The following ANKS1B variants were observed in gnomAD, a reference collection of about 807,000 sequenced individuals.
The protein encoded by ANKS1B is ankyrin repeat and sterile alpha motif domain containing 1B, also known as ankyrin repeat and sterile alpha motif domain-containing protein 1B.
ANKS1B carries 36 observed loss-of-function variants against 148.3 expected under a neutral mutation model. That is an observed-to-expected ratio of 0.24 (90% CI 0.19 to 0.32). The LOEUF (loss-of-function observed/expected upper bound fraction) is 0.32. ANKS1B is among the 10% of genes least tolerant of loss of function. ANKS1B has a pLI of 1.00. For missense variants in ANKS1B, 1,157 were observed against 1,542.6 expected, an observed-to-expected ratio of 0.75 and a Z score of 4.19; for synonymous variants, 542 against 560.8, an observed-to-expected ratio of 0.97 and a Z score of 0.47.
intron 17 of ANKS1B, among the ~76,000 whole-genome samples, chr12:99,004,158 G>A (rs1290860600): frequency 6.6e-6 from 1 of 152,150 alleles, no homozygotes; most frequent in East Asian, 1.9e-4. Context: ...ACACCGTGGA[G>A]CCATGGAATG....
chr12:99,658,845 T>G (rs1452576050), intron 8 of ANKS1B, among the ~76,000 whole-genome samples: 1 of 152,202 alleles, frequency 6.6e-6, no homozygotes, highest in Non-Finnish European at 1.5e-5. Context: ...TGTGCAAATA[T>G]ACTACACAGA....
intron 8 of ANKS1B, among the ~76,000 whole-genome samples, chr12:99,739,378 T>TA (rs201318107): frequency 6.9e-5 from 8 of 115,922 alleles, no homozygotes; most frequent in Non-Finnish European, 1.4e-4. Flanking sequence ...TACTCAAAGC[T>TA]AAAAAAAAAC....
intron 11 of ANKS1B, among the ~76,000 whole-genome samples, chr12:99,412,081 T>C (rs556854636): frequency 3.1e-4 from 47 of 152,212 alleles, no homozygotes; most frequent in Non-Finnish European, 5.7e-4. Flanking sequence ...TTTCTTTTTT[T>C]TCAAGTATTC....
chr12:98,856,707 G>T (rs557402723), intron 17 of ANKS1B, among the ~76,000 whole-genome samples: 5 of 152,174 alleles, frequency 3.3e-5, no homozygotes, highest in African/African-American at 1.2e-4. Flanking sequence ...AGCAGCCTCA[G>T]GGAGATACTG....
intron 10 of ANKS1B, among the ~76,000 whole-genome samples, chr12:99,497,592 G>C (rs1325063850): frequency 6.6e-6 from 1 of 152,050 alleles, no homozygotes; most frequent in Non-Finnish European, 1.5e-5. Context: ...CTGTCTCTGG[G>C]TCTAAATTTC....
chr12:99,781,446 T>A (rs527383212), intron 5 of ANKS1B, among the ~76,000 whole-genome samples: 13 of 152,286 alleles, frequency 8.5e-5, no homozygotes, highest in Non-Finnish European at 1.3e-4. Context: ...CTCTATTTCA[T>A]CTCAATCAGA....
chr12:98,977,471 A>G lies in ANKS1B; in HGVS notation c.2778+75686T>C, dbSNP rs2099898906. On this transcript the variant is annotated intron_variant, in intron 17 of 26. Transcript: ENST00000683438. Reference sequence around the variant, plus strand: ...ACTGAAGGCATTTATCCATTCATATATAAGCATGAAAATGCAAGCTTCACT... The same window carrying G: ...ACTGAAGGCATTTATCCATTCATATGTAAGCATGAAAATGCAAGCTTCACT... Among the ~76,000 whole-genome samples, 5 of 151,312 alleles carry G rather than the reference A, an allele frequency of 3.3e-5. No individual in the cohort carries two copies. The South Asian group carries it at 1.0e-3, about 32-fold the overall frequency.
At chr12:99,136,344 A>C (rs1457813737) in intron 15 of ANKS1B, among the ~76,000 whole-genome samples, 1 of 152,132 alleles carries the variant, frequency 6.6e-6, no homozygotes, top group Non-Finnish European at 1.5e-5. Context: ...TACAGTACAG[A>C]TTTCCCTGTG....
intron 12 of ANKS1B, among the ~76,000 whole-genome samples, chr12:99,336,559 G>A (rs1166504649): frequency 6.6e-6 from 1 of 151,926 alleles, no homozygotes; most frequent in Non-Finnish European, 1.5e-5. Context: ...ATGAAAAATA[G>A]GGGTCTAGTT....
At chr12:99,115,131 C>G (rs1234703631) in intron 15 of ANKS1B, among the ~76,000 whole-genome samples, 14 of 152,062 alleles carry the variant, frequency 9.2e-5, no homozygotes, top group Non-Finnish European at 4.4e-5. Context: ...GGTATATACC[C>G]AGAGGAATAT....
At chr12:99,376,231 A>C (rs2093386486) in intron 12 of ANKS1B, among the ~76,000 whole-genome samples, 1 of 152,234 alleles carries the variant, frequency 6.6e-6, no homozygotes, top group African/African-American at 2.4e-5. Context: ...ATACGAAAAA[A>C]AATGCATGAG....
At chr12:99,794,073 T>C (rs1275228284) in intron 4 of ANKS1B, among the ~76,000 whole-genome samples, 1 of 151,976 alleles carries the variant, frequency 6.6e-6, no homozygotes. Flanking sequence ...TGAAAAGGTG[T>C]TCAGCATCAT....
intron 15 of ANKS1B, among the ~76,000 whole-genome samples, chr12:99,143,507 G>C (rs2071757714): frequency 6.6e-6 from 1 of 152,090 alleles, no homozygotes. Flanking sequence ...TTTGTAGCCT[G>C]AGTTTTCTTG....
chr12:99,714,142 A>G (rs867903947), intron 8 of ANKS1B, among the ~76,000 whole-genome samples: 6 of 152,192 alleles, frequency 3.9e-5, no homozygotes, highest in Admixed American at 1.3e-4. Flanking sequence ...GGCCGCCCGC[A>G]TTCCATGGCT....
chr12:99,065,614 CCAT>C (rs771614860), intron 16 of ANKS1B, among the ~76,000 whole-genome samples: 8,126 of 147,092 alleles, frequency 0.055, 432 homozygotes, highest in East Asian at 0.29. Context: ...ATCCATCCAT[CCAT>C]CCATCCATCC....
intron 1 of ANKS1B, among the ~76,000 whole-genome samples, chr12:99,967,155 A>G (rs1427652364): frequency 2.6e-5 from 4 of 152,184 alleles, no homozygotes; most frequent in African/African-American, 9.6e-5. Context: ...TGAATAATTT[A>G]TTGAATATCT....
chr12:98,863,025 G>T (rs1218794101), intron 17 of ANKS1B, among the ~76,000 whole-genome samples: 1 of 152,166 alleles, frequency 6.6e-6, no homozygotes, highest in Non-Finnish European at 1.5e-5. Context: ...CAGGCACTCT[G>T]TGTAAAACCC....
At chr12:99,101,245 A>G (rs182480958) in intron 15 of ANKS1B, among the ~76,000 whole-genome samples, 10 of 152,288 alleles carry the variant, frequency 6.6e-5, no homozygotes, top group African/African-American at 2.4e-4. Context: ...CAATGTAGAG[A>G]GCAAACTCCA....
At chr12:99,109,428 G>A (rs1033440404) in intron 15 of ANKS1B, among the ~76,000 whole-genome samples, 1 of 152,134 alleles carries the variant, frequency 6.6e-6, no homozygotes, top group Non-Finnish European at 1.5e-5. Flanking sequence ...GGGCTTTGGA[G>A]ACAGACACAC....
Sources: allele counts gnomAD v4.1 joint callset (sites outside exome capture counted in the v4.1 genomes callset), GRCh38; gene constraint gnomAD v4.1.1; transcripts MANE v1.5; gene names NCBI Gene and HGNC (gene_info 2026-07-23, HGNC 2026-07-21).